The following TAFA5 variants were observed in gnomAD, a reference collection of about 807,000 sequenced individuals.
TAFA5 encodes TAFA chemokine like family member 5, also known as chemokine-like protein TAFA-5.
In TAFA5, 6 loss-of-function variants were observed where a neutral mutation model predicts 15.3. The observed-to-expected ratio is 0.39, with a 90% CI of 0.21 to 0.77. TAFA5 has a LOEUF of 0.77. TAFA5 is among the 30% of genes least tolerant of loss of function. TAFA5 has a pLI of 0.41. For synonymous variants in TAFA5, 103 were observed against 80.7 expected (o/e 1.28, Z -1.48); for missense variants, 161 against 193.1 (o/e 0.83, Z 0.98).
intron 1 of TAFA5, among the ~76,000 whole-genome samples, chr22:48,610,778 G>C (rs2147173326): frequency 6.6e-6 from 1 of 152,276 alleles, no homozygotes; most frequent in East Asian, 1.9e-4. Flanking sequence ...GGATGGGGAG[G>C]GAAGGATGGT....
intron 1 of TAFA5, among the ~76,000 whole-genome samples, chr22:48,541,692 G>A (rs1043285634): frequency 1.4e-4 from 21 of 152,164 alleles, no homozygotes; most frequent in Admixed American, 4.6e-4. Flanking sequence ...CCTGGCCACA[G>A]ACACACAGGA....
At chr22:48,534,662 C>A (rs1438716729) in intron 1 of TAFA5, among the ~76,000 whole-genome samples, 1 of 152,194 alleles carries the variant, frequency 6.6e-6, no homozygotes, top group Non-Finnish European at 1.5e-5. Context: ...TGGGGCCGCC[C>A]TGCGGGGGTG....
intron 3 of TAFA5, among the ~76,000 whole-genome samples, chr22:48,719,967 A>T (rs1054308826): frequency 6.6e-6 from 1 of 152,218 alleles, no homozygotes; most frequent in Non-Finnish European, 1.5e-5. Flanking sequence ...ACTTTGGGCC[A>T]CTTTTGTAAT....
intron 1 of TAFA5, among the ~76,000 whole-genome samples, chr22:48,600,447 G>A (rs949362353): frequency 3.3e-5 from 5 of 152,206 alleles, no homozygotes; most frequent in African/African-American, 1.2e-4. Context: ...TGGCCACACG[G>A]GCCTTGTCAT....
intron 1 of TAFA5, among the ~76,000 whole-genome samples, chr22:48,583,798 C>T (rs1924204179): frequency 6.6e-6 from 1 of 151,054 alleles, no homozygotes; most frequent in South Asian, 2.1e-4. Context: ...TACCACACAG[C>T]ACACAACACA....
Position 48,637,866 on chromosome 22 carries a change from C to A in TAFA5, c.113-8731C>A, listed in dbSNP as rs147637952. On this transcript the variant is annotated intron_variant, in intron 1 of 3. Transcript: ENST00000402357. ...ACTCTCCTTGAGGCCTTTCTCCTTC[C>A]GGTTTATGAATAGGTCTTCTCCTGT... 2.6e-5 allele frequency among the ~76,000 whole-genome samples: 4 copies of A among 152,132 alleles called. No homozygotes were observed. The East Asian group carries it at 7.7e-4, about 29-fold the overall frequency.
intron 1 of TAFA5, among the ~76,000 whole-genome samples, chr22:48,508,520 C>T (rs1354615998): frequency 6.6e-6 from 1 of 152,166 alleles, no homozygotes; most frequent in Admixed American, 6.5e-5. Context: ...CTGCTGCAGC[C>T]ACTTGGTGTC....
At chr22:48,628,579 T>G (rs1926104877) in intron 1 of TAFA5, among the ~76,000 whole-genome samples, 1 of 152,184 alleles carries the variant, frequency 6.6e-6, no homozygotes, top group Non-Finnish European at 1.5e-5. Context: ...CCCAGGGGCC[T>G]TCGCCACCCC....
intron 2 of TAFA5, among the ~76,000 whole-genome samples, chr22:48,677,766 C>A (rs1053496282): frequency 6.6e-6 from 1 of 152,152 alleles, no homozygotes; most frequent in Non-Finnish European, 1.5e-5. Flanking sequence ...TCAGGTCGGG[C>A]GGGCGTGGCG....
intron 2 of TAFA5, among the ~76,000 whole-genome samples, chr22:48,701,857 G>T (rs1490671671): frequency 6.6e-6 from 1 of 152,216 alleles, no homozygotes; most frequent in Non-Finnish European, 1.5e-5. Flanking sequence ...TCTGCGCTCT[G>T]CCCTCCTGGA....
intron 1 of TAFA5, among the ~76,000 whole-genome samples, chr22:48,614,708 C>A: frequency 6.6e-6 from 1 of 152,336 alleles, no homozygotes; most frequent in Middle Eastern, 3.4e-3. Flanking sequence ...CTGTGGAAAC[C>A]CTGCTCCTGT....
At chr22:48,584,228 A>G (rs575608968) in intron 1 of TAFA5, among the ~76,000 whole-genome samples, 1 of 149,152 alleles carries the variant, frequency 6.7e-6, no homozygotes, top group East Asian at 2.0e-4. Context: ...CACATACACC[A>G]CACACATTGG....
chr22:48,536,084 G>A (rs1035855809), intron 1 of TAFA5, among the ~76,000 whole-genome samples: 1 of 152,254 alleles, frequency 6.6e-6, no homozygotes, highest in Non-Finnish European at 1.5e-5. Flanking sequence ...GCCGCATGCA[G>A]CGAGTTCCCG....
chr22:48,666,641 A>G (rs959224274), intron 2 of TAFA5, among the ~76,000 whole-genome samples: 1 of 88,394 alleles, frequency 1.1e-5, no homozygotes, highest in Admixed American at 1.1e-4. Context: ...TGGTGTGGAC[A>G]TGTCATGGGC....
intron 1 of TAFA5, among the ~76,000 whole-genome samples, chr22:48,638,849 G>A (rs1401570581): frequency 2.2e-5 from 3 of 139,396 alleles, no homozygotes; most frequent in East Asian, 2.2e-4. Flanking sequence ...GCACACAGGC[G>A]GGACCCCGAC....
chr22:48,489,724 G>A lies in TAFA5; in HGVS notation c.112+20G>A, dbSNP rs1273826561. ...ACTGCAGTGAGTACCGCGCGGCCCC[G>A]GCCCCGGCACGGCCCTCTGGGCCCC... On this transcript the variant is annotated intron_variant, in intron 1 of 3. Transcript: ENST00000402357. This position sits in a 1 kb window ranked among gnomAD's most constrained non-coding sequence, Gnocchi z 5.5. The A allele has an allele frequency of 7.1e-7, 1 of 1,405,724 alleles. No individual in the cohort carries two copies. The highest frequency in any genetic ancestry group is 9.4e-7 in the Non-Finnish European group (1 of 1,063,964). 87.1% of individuals were successfully genotyped at this position (1,405,724 alleles called of 1,614,324 possible).
At chr22:48,494,452 A>G (rs1483579898) in intron 1 of TAFA5, among the ~76,000 whole-genome samples, 2 of 152,152 alleles carry the variant, frequency 1.3e-5, no homozygotes, top group African/African-American at 4.8e-5. Flanking sequence ...AGGTGGCCGG[A>G]GTGAGCACTG....
At chr22:48,536,823 G>T (rs1922182624) in intron 1 of TAFA5, among the ~76,000 whole-genome samples, 1 of 152,218 alleles carries the variant, frequency 6.6e-6, no homozygotes, top group South Asian at 2.1e-4. Context: ...GAAGGGAGGA[G>T]CTTCACATCT....
chr22:48,617,242 G>A (rs1479679566), intron 1 of TAFA5, among the ~76,000 whole-genome samples: 1 of 115,118 alleles, frequency 8.7e-6, no homozygotes, highest in Non-Finnish European at 2.1e-5. Context: ...GGAAGAGGAG[G>A]CAAAAGGGGC....
Sources: gnomAD v4.1 joint callset for allele counts (sites outside exome capture counted in the v4.1 genomes callset) on GRCh38, gnomAD v4.1.1 for gene constraint, Gnocchi (gnomAD v3.1) non-coding constraint, MANE v1.5 for transcripts, NCBI Gene and HGNC (gene_info 2026-07-23, HGNC 2026-07-21) for gene names.